Variants in HSPA12A observed in about 807,000 individuals in gnomAD.
The protein encoded by HSPA12A is heat shock 70 kDa protein 12A.
HSPA12A carries 28 observed loss-of-function variants against 69.2 expected under a neutral mutation model. The ratio of observed to expected loss-of-function variants is 0.40; its 90% confidence interval spans 0.30 to 0.55. The LOEUF is 0.55. Among genes scored for constraint, HSPA12A ranks in the 20% least tolerant of loss-of-function variants. The pLI is 0.38. For synonymous variants in HSPA12A, 345 were observed against 370.5 expected (o/e 0.93, Z 0.79); for missense variants, 686 against 900.7 (o/e 0.76, Z 3.05).
Position 116,697,802 on chromosome 10 carries a change from A to G in HSPA12A, c.546+833T>C, listed in dbSNP as rs552221535. 2.1e-4 allele frequency among the ~76,000 whole-genome samples: 32 copies of G among 152,286 alleles called. No individual in the cohort carries two copies. The East Asian group carries it at 3.5e-3, about 17-fold the overall frequency. On this transcript the variant is annotated intron_variant, in intron 5 of 11. Transcript: ENST00000369209. ...ATTACCTAATTTCATCACTCCTCAA[A>G]GAAACTCATATCCTTCAGCAGTCGC...
At chr10:116,702,592 C>A (rs1554881765) in intron 3 of HSPA12A, among the ~76,000 whole-genome samples, 1 of 152,220 alleles carries the variant, frequency 6.6e-6, no homozygotes, top group African/African-American at 2.4e-5. Context: ...GGTGACCGCA[C>A]TGAGACACAG....
intron 2 of HSPA12A, among the ~76,000 whole-genome samples, chr10:116,823,256 G>GA (rs903494393): frequency 2.6e-5 from 4 of 152,156 alleles, no homozygotes; most frequent in Non-Finnish European, 4.4e-5. Flanking sequence ...CAAAAGCAGT[G>GA]AAAAATTTAT....
chr10:116,794,058 C>T (rs532162468), intron 2 of HSPA12A, among the ~76,000 whole-genome samples: 34 of 151,986 alleles, frequency 2.2e-4, no homozygotes, highest in East Asian at 1.9e-4. Context: ...GAAAAATTAG[C>T]CAGGCGTGGT....
chr10:116,714,479 T>C (rs1485645720), intron 1 of HSPA12A, among the ~76,000 whole-genome samples: 2 of 152,208 alleles, frequency 1.3e-5, no homozygotes, highest in African/African-American at 4.8e-5. Flanking sequence ...CGCTGGCTCC[T>C]CTGCTAAGTC....
chr10:116,703,885 T>C (rs1320806601), intron 3 of HSPA12A, among the ~76,000 whole-genome samples: 1 of 152,246 alleles, frequency 6.6e-6, no homozygotes, highest in Non-Finnish European at 1.5e-5. Flanking sequence ...GAGATTCCCC[T>C]CATGCTGCCT....
intron 1 of HSPA12A, among the ~76,000 whole-genome samples, chr10:116,840,011 G>A (rs868155712): frequency 6.6e-6 from 1 of 151,968 alleles, no homozygotes; most frequent in Non-Finnish European, 1.5e-5. Context: ...ACATACGGAC[G>A]GGAAAGCCAG....
chr10:116,757,484 C>A (rs944343818), intron 2 of HSPA12A, among the ~76,000 whole-genome samples: 1 of 152,192 alleles, frequency 6.6e-6, no homozygotes, highest in Non-Finnish European at 1.5e-5. Context: ...CCCTTCCCTT[C>A]AACAGCAAAG....
At chr10:116,780,985 C>T (rs1844450967) in intron 2 of HSPA12A, among the ~76,000 whole-genome samples, 2 of 152,184 alleles carry the variant, frequency 1.3e-5, no homozygotes, top group Admixed American at 1.3e-4. Context: ...CCCATCCTGG[C>T]TGGGTGCAGT....
At chr10:116,787,440 C>CAAAAAAAAAAAAAAAAAAAAAAAAAAA (rs776783179) in intron 2 of HSPA12A, among the ~76,000 whole-genome samples, 2 of 68,624 alleles carry the variant, frequency 2.9e-5, no homozygotes, top group African/African-American at 5.5e-5. Context: ...CTCTAGCCAG[C>CAAAAAAAAAAAAAAAAAAAAAAAAAAA]AAAAAAAAAA....
chr10:116,752,472 A>G (rs1405946904), intron 2 of HSPA12A, among the ~76,000 whole-genome samples: 1 of 152,152 alleles, frequency 6.6e-6, no homozygotes, highest in Non-Finnish European at 1.5e-5. Flanking sequence ...TCCATCAGAC[A>G]TGTGCTGCAA....
At position 116,674,904 on chromosome 10, in the gene HSPA12A, C is replaced by G; in HGVS notation, c.1905G>C (p.Ala635=). The G allele has an allele frequency of 6.2e-7, 1 of 1,614,106 alleles. No individual in the cohort carries two copies. The highest frequency in any genetic ancestry group is 8.5e-7 in the Non-Finnish European group (1 of 1,180,040). Residue 635 remains alanine (A), a synonymous_variant, in exon 12 of 12, where the codon GCG becomes GCC. Coordinates refer to ENST00000369209, the MANE Select transcript of HSPA12A (RefSeq NM_025015.3). ...TCTGGATCTCCCTCCGGGCGGGCAC[C>G]GCAGTGCCACTGGTCCCTGTGAGAT... ...RLDLTGTSGT[A]VPARREIQTL... is the part of the protein sequence containing the mutation.
intron 2 of HSPA12A, among the ~76,000 whole-genome samples, chr10:116,761,369 C>T (rs1402318729): frequency 2.0e-5 from 3 of 151,844 alleles, no homozygotes; most frequent in African/African-American, 7.3e-5. Flanking sequence ...ACCTGTAGTC[C>T]CAGCTACTTG....
chr10:116,729,247 A>T (rs1851078169), intron 1 of HSPA12A, among the ~76,000 whole-genome samples: 2 of 152,142 alleles, frequency 1.3e-5, no homozygotes, highest in South Asian at 4.1e-4. Flanking sequence ...CCTGACTGGT[A>T]AGAGCCCCAG....
At chr10:116,820,402 G>A (rs769953135) in intron 2 of HSPA12A, among the ~76,000 whole-genome samples, 52 of 152,018 alleles carry the variant, frequency 3.4e-4, no homozygotes, top group African/African-American at 1.2e-3. Context: ...TCAGGGATGC[G>A]GTTACACTGA....
At chr10:116,676,214 C>A (rs1402283390) in intron 11 of HSPA12A, among the ~76,000 whole-genome samples, 185 bp downstream of exon 11, 2 of 152,198 alleles carry the variant, frequency 1.3e-5, no homozygotes, top group Non-Finnish European at 2.9e-5. Flanking sequence ...GAGAGGGATC[C>A]AGAGCCTATG....
chr10:116,834,725 G>A (rs1309077362), intron 2 of HSPA12A, among the ~76,000 whole-genome samples: 2 of 152,116 alleles, frequency 1.3e-5, no homozygotes, highest in African/African-American at 2.4e-5. Flanking sequence ...TGACTCAAGG[G>A]TGCCTCTGAA....
chr10:116,762,352 T>G (rs1456625113), intron 2 of HSPA12A, among the ~76,000 whole-genome samples: 1 of 152,236 alleles, frequency 6.6e-6, no homozygotes, highest in Non-Finnish European at 1.5e-5. Flanking sequence ...CAAAGGTGTG[T>G]ATGTTTTTCT....
intron 9 of HSPA12A, among the ~76,000 whole-genome samples, chr10:116,680,324 A>C (rs1849366631): frequency 6.6e-6 from 1 of 152,150 alleles, no homozygotes; most frequent in African/African-American, 2.4e-5. Flanking sequence ...ATTTTTTAAA[A>C]AATCAATAAT....
rs372610451 is a variant in HSPA12A, at chr10:116,674,865, G to A, written c.1944C>T (p.Phe648=). 141 of 1,613,430 alleles carry A rather than the reference G, an allele frequency of 8.7e-5. 2 individuals are homozygous for A. The highest frequency in any genetic ancestry group is 6.0e-4 in the South Asian group (55 of 91,040). The stretch of plus-strand genomic sequence containing the variant: ...CTGTGGCTTTGATCTCGGTGTCCCC[G>A]AACTGCATAAGGGTCTGGATCTCCC... The part of the protein sequence containing the change: ...ARREIQTLMQ[F]GDTEIKATAI... Residue 648 remains phenylalanine (F), a synonymous_variant, in exon 12 of 12, where the codon TTC becomes TTT. Transcript: ENST00000369209.
Sources: gnomAD v4.1 joint callset for allele counts (sites outside exome capture counted in the v4.1 genomes callset) on GRCh38, gnomAD v4.1.1 for gene constraint, MANE v1.5 for transcripts, NCBI Gene and HGNC (gene_info 2026-07-23, HGNC 2026-07-21) for gene names.